CLDN14: variants seen among roughly 807,000 people sequenced by gnomAD.
CLDN14 encodes the protein claudin 14.
A neutral mutation model predicts 2.1 loss-of-function variants in CLDN14; 2 were observed. That is an observed-to-expected ratio of 0.96 (90% confidence interval 0.39 to 3.01). The LOEUF (loss-of-function observed/expected upper bound fraction) is 3.01, where lower values mean the gene tolerates loss of function less well. Ranked by LOEUF, CLDN14 falls within the 30% of genes most tolerant of loss-of-function variation. The probability of loss-of-function intolerance (pLI) is 0.09; values close to 1 mark genes in which losing one functional copy is unlikely to be tolerated. For synonymous variants in CLDN14, 136 were observed against 154.4 expected (o/e 0.88, Z 0.88); for missense variants, 298 against 328.0 (o/e 0.91, Z 0.71).
chr21:36,490,735 A>G (rs1286452798), intron 2 of CLDN14, among the ~76,000 whole-genome samples: 2 of 152,022 alleles, frequency 1.3e-5, no homozygotes, highest in South Asian at 2.1e-4. Context: ...GGGTCTCTCT[A>G]TGCTGCGGAG....
rs138099367 is a variant in CLDN14, at chr21:36,495,066, G to A, written c.-82+15297C>T. Among the ~76,000 whole-genome samples the A allele has an allele frequency of 4.0e-4, 61 of 152,260 alleles. No individual in the cohort carries two copies. The East Asian group carries it at 0.011, about 27-fold the overall frequency. On this transcript the variant is annotated intron_variant, in intron 2 of 2. Coordinates refer to the CLDN14 transcript ENST00000342108. ...CCAGAGGCCCAGCACGGTGCCTCAC[G>A]CCTGTAATCCCAGCACTTTGGGAGG...
chr21:36,537,143 A>G (rs1365461524), intron 1 of CLDN14, among the ~76,000 whole-genome samples: 6 of 152,184 alleles, frequency 3.9e-5, no homozygotes, highest in Non-Finnish European at 8.8e-5. Flanking sequence ...TGAGCCGGAG[A>G]TGGCGCCATT....
At chr21:36,548,865 C>A (rs1179589529) in intron 1 of CLDN14, among the ~76,000 whole-genome samples, 1 of 152,186 alleles carries the variant, frequency 6.6e-6, no homozygotes, top group Non-Finnish European at 1.5e-5. Flanking sequence ...CTCTCCAAAG[C>A]AAGGCCTTCC....
intron 1 of CLDN14, among the ~76,000 whole-genome samples, chr21:36,479,237 A>C (rs1159684448): frequency 6.6e-6 from 1 of 152,172 alleles, no homozygotes; most frequent in South Asian, 2.1e-4. Context: ...CCAAACACTC[A>C]GGAACTGGAT....
chr21:36,550,690 G>A (rs533977683), intron 1 of CLDN14, among the ~76,000 whole-genome samples: 7 of 152,188 alleles, frequency 4.6e-5, no homozygotes, highest in African/African-American at 1.7e-4. Context: ...CTAGTTCTTG[G>A]AGACCTGTCA....
chr21:36,467,502 G>A (rs148622363), intron 1 of CLDN14, among the ~76,000 whole-genome samples: 3,520 of 152,104 alleles, frequency 0.023, 75 homozygotes, highest in Admixed American at 0.066. Flanking sequence ...GTCAGTCCAG[G>A]CTTCTTGGAG....
chr21:36,548,694 G>A (rs576866396), intron 1 of CLDN14, among the ~76,000 whole-genome samples: 2 of 152,268 alleles, frequency 1.3e-5, no homozygotes, highest in South Asian at 2.1e-4. Context: ...ATGGAGTAAG[G>A]CTGACTTCCT....
In CLDN14 at chr21:36,498,347, GAAA is replaced by G. The variant is rs961849697; in HGVS notation, c.-82+12013_-82+12015del. Among the ~76,000 whole-genome samples the G allele has an allele frequency of 5.3e-5, 8 of 152,036 alleles. No individual in the cohort carries two copies. The highest frequency in any genetic ancestry group is 1.9e-4 in the African/African-American group (8 of 41,500). ...GGGACAATTGTGAGTGGAAAGAGAA[GAAA>G]AAAAGTAAAATAATAATACTAATAA... On this transcript the variant is annotated intron_variant, in intron 2 of 2. Coordinates refer to the CLDN14 transcript ENST00000342108. The surrounding 1 kb of genome is among the most constrained non-coding windows in gnomAD (Gnocchi z 4.9).
At chr21:36,548,116 G>A (rs189610449) in intron 1 of CLDN14, among the ~76,000 whole-genome samples, 4 of 151,986 alleles carry the variant, frequency 2.6e-5, no homozygotes, top group Admixed American at 6.5e-5. Context: ...TGCAGATGCC[G>A]TTCCTTCCAC....
intron 2 of CLDN14, among the ~76,000 whole-genome samples, chr21:36,503,402 G>A (rs750845470): frequency 1.1e-4 from 16 of 152,326 alleles, no homozygotes; most frequent in Non-Finnish European, 1.9e-4. Flanking sequence ...GAATTCCCAT[G>A]CGTTGTGGGA....
Position 36,548,025 on chromosome 21 carries a change from G to A in CLDN14, c.-220+28386C>T, listed in dbSNP as rs574442487. Among the ~76,000 whole-genome samples the A allele has an allele frequency of 3.3e-5, 5 of 152,014 alleles. No homozygotes were observed. The South Asian group carries it at 8.3e-4, about 25-fold the overall frequency. ...CCTTGGTCCCCCTCTTTCTCCTCGC[G>A]TCCTCTGCCTCTCAACTCTGGCTCC... On this transcript the variant is annotated intron_variant, in intron 1 of 2. Transcript: ENST00000342108.
intron 1 of CLDN14, among the ~76,000 whole-genome samples, chr21:36,466,957 T>C (rs899120559): frequency 2.0e-5 from 3 of 152,140 alleles, no homozygotes; most frequent in African/African-American, 7.2e-5. Context: ...CGAAATCCAA[T>C]AGGGCAGTCA....
At chr21:36,485,853 C>CTTT in intron 2 of CLDN14, 25 of 420,154 alleles carry the variant, frequency 6.0e-5, no homozygotes, top group South Asian at 2.7e-4. Context: ...GTTCCATTTC[C>CTTT]TTTTTTTTTT....
At chr21:36,471,242 A>G (rs897825287) in intron 1 of CLDN14, among the ~76,000 whole-genome samples, 7 of 152,158 alleles carry the variant, frequency 4.6e-5, no homozygotes, top group Non-Finnish European at 7.4e-5. Flanking sequence ...AAACAAAGCC[A>G]TGGTTAGCTT....
chr21:36,493,311 T>A (rs1174140574), intron 2 of CLDN14, among the ~76,000 whole-genome samples: 1 of 152,064 alleles, frequency 6.6e-6, no homozygotes, highest in Non-Finnish European at 1.5e-5. Flanking sequence ...AGAGGGCTGC[T>A]CTTCTGCCTT....
intron 2 of CLDN14, among the ~76,000 whole-genome samples, chr21:36,494,874 A>G (rs983667611): frequency 1.3e-5 from 2 of 152,196 alleles, no homozygotes; most frequent in African/African-American, 4.8e-5. Flanking sequence ...AGATGAATAC[A>G]ATGATTCTGC....
chr21:36,554,640 T>A (rs1038145352), intron 1 of CLDN14, among the ~76,000 whole-genome samples: 3 of 152,110 alleles, frequency 2.0e-5, no homozygotes, highest in Admixed American at 6.5e-5. Flanking sequence ...ACAGCTAGGA[T>A]TCTGAGGTCA....
At chr21:36,468,192 C>T (rs1326070794) in intron 1 of CLDN14, among the ~76,000 whole-genome samples, 1 of 152,206 alleles carries the variant, frequency 6.6e-6, no homozygotes, top group Non-Finnish European at 1.5e-5. Flanking sequence ...CGTTGATGTT[C>T]AGCCACTTCA....
chr21:36,548,069 C>G (rs1428909857), intron 1 of CLDN14, among the ~76,000 whole-genome samples: 1 of 152,106 alleles, frequency 6.6e-6, no homozygotes, highest in Non-Finnish European at 1.5e-5. Flanking sequence ...TTGTCAGTCC[C>G]TTGGATTCAC....
Sources: gnomAD v4.1 joint callset for allele counts (sites outside exome capture counted in the v4.1 genomes callset) on GRCh38, gnomAD v4.1.1 for gene constraint, Gnocchi (gnomAD v3.1) non-coding constraint, MANE v1.5 for transcripts, NCBI Gene and HGNC (gene_info 2026-07-23, HGNC 2026-07-21) for gene names.